The following KCTD16 variants were observed in gnomAD, a reference collection of about 807,000 sequenced individuals.
The protein encoded by KCTD16 is BTB/POZ domain-containing protein KCTD16.
Under a neutral mutation model 33.2 loss-of-function variants are expected in KCTD16, and 13 were observed. That is an observed-to-expected ratio of 0.39 (90% CI 0.25 to 0.62). KCTD16 has a LOEUF of 0.62. Ranked by LOEUF, KCTD16 falls within the 20% of genes least tolerant of loss-of-function variation. The probability of loss-of-function intolerance (pLI) is 0.50; values close to 1 mark genes in which losing one functional copy is unlikely to be tolerated. For synonymous variants in KCTD16, 197 were observed against 195.3 expected (o/e 1.01, Z -0.07); for missense variants, 441 against 525.1 (o/e 0.84, Z 1.57).
chr5:144,345,033 T>G (rs2087494617), intron 3 of KCTD16, among the ~76,000 whole-genome samples: 1 of 151,660 alleles, frequency 6.6e-6, no homozygotes, highest in South Asian at 2.1e-4. Flanking sequence ...CCATGAAAAA[T>G]GATGAGTTCA....
intron 3 of KCTD16, among the ~76,000 whole-genome samples, chr5:144,320,568 A>T (rs895040148): frequency 2.0e-5 from 3 of 152,244 alleles, no homozygotes; most frequent in South Asian, 4.2e-4. Flanking sequence ...GTTTAGAGGG[A>T]GGTTAAAGTA....
At chr5:144,433,315 T>C (rs1407487455) in intron 3 of KCTD16, among the ~76,000 whole-genome samples, 2 of 152,086 alleles carry the variant, frequency 1.3e-5, no homozygotes, top group East Asian at 3.9e-4. Flanking sequence ...CTGATGGTCA[T>C]CCCTGGTGGC....
intron 2 of KCTD16, among the ~76,000 whole-genome samples, chr5:144,197,109 A>T (rs1752953799): frequency 6.6e-6 from 1 of 152,218 alleles, no homozygotes; most frequent in Non-Finnish European, 1.5e-5. Context: ...AGAGTAACTG[A>T]TGCATAAAAT....
chr5:144,184,239 C>G (rs555343304), intron 2 of KCTD16, among the ~76,000 whole-genome samples: 1 of 152,180 alleles, frequency 6.6e-6, no homozygotes, highest in African/African-American at 2.4e-5. Flanking sequence ...AATTCTATCT[C>G]CATTAAACTT....
chr5:144,258,029 A>G (rs1754900361), intron 3 of KCTD16, among the ~76,000 whole-genome samples: 1 of 152,140 alleles, frequency 6.6e-6, no homozygotes, highest in Non-Finnish European at 1.5e-5. Context: ...TTTCAATTTC[A>G]CCAACATTGA....
intron 3 of KCTD16, among the ~76,000 whole-genome samples, chr5:144,449,959 A>T (rs1430986412): frequency 6.6e-6 from 1 of 152,088 alleles, no homozygotes; most frequent in Non-Finnish European, 1.5e-5. Context: ...GATAACATTA[A>T]ACTAAAAAAC....
intron 3 of KCTD16, among the ~76,000 whole-genome samples, chr5:144,268,392 C>G (rs1052903377): frequency 6.6e-6 from 1 of 152,090 alleles, no homozygotes; most frequent in Non-Finnish European, 1.5e-5. Context: ...CCCTTTTTTT[C>G]TACCCCCTTT....
At chr5:144,224,363 T>G (rs1753859646) in intron 3 of KCTD16, among the ~76,000 whole-genome samples, 1 of 150,478 alleles carries the variant, frequency 6.6e-6, no homozygotes. Context: ...TATATTATTT[T>G]TATTGGATCA....
chr5:144,461,152 C>G (rs4912974), intron 3 of KCTD16, among the ~76,000 whole-genome samples: 66,258 of 151,964 alleles, frequency 0.44, 14,775 homozygotes, highest in East Asian at 0.67. Flanking sequence ...TTTCTGTTTT[C>G]CACCGGGCTG....
chr5:144,461,821 C>T (rs1486702182), intron 3 of KCTD16, among the ~76,000 whole-genome samples: 1 of 152,230 alleles, frequency 6.6e-6, no homozygotes, highest in Admixed American at 6.5e-5. Context: ...CTACGGAACA[C>T]ACTATTTTGA....
In KCTD16 at chr5:144,481,679, A is replaced by C. The variant is rs572778525; in HGVS notation, c.*7565A>C. On this transcript the variant is annotated 3_prime_UTR_variant, in exon 4 of 4. Coordinates refer to ENST00000512467, the MANE Select transcript of KCTD16 (RefSeq NM_020768.4). The stretch of plus-strand genomic sequence containing the variant: ...CGGTCATTTATTTGTTTGTTTATGC[A>C]TATATCCAGCAAATATTTGTTGGGT... The C allele has an allele frequency of 2.6e-5, 4 of 152,054 alleles. No homozygotes were observed. Among genetic ancestry groups the C allele is most frequent in the Admixed American group, 2.6e-4 (4 of 15,236 alleles). 9.4% of individuals were successfully genotyped at this position (152,054 alleles called of 1,614,324 possible).
At chr5:144,370,159 A>G (rs1751934053) in intron 3 of KCTD16, among the ~76,000 whole-genome samples, 1 of 152,138 alleles carries the variant, frequency 6.6e-6, no homozygotes, top group Non-Finnish European at 1.5e-5. Flanking sequence ...CATTAGAATA[A>G]GAGTAGAGAG....
At chr5:144,382,121 T>G (rs1045030300) in intron 3 of KCTD16, among the ~76,000 whole-genome samples, 3 of 152,168 alleles carry the variant, frequency 2.0e-5, no homozygotes, top group African/African-American at 7.2e-5. Flanking sequence ...CTGAGGCCAT[T>G]ATGCTAAGTA....
chr5:144,387,614 G>T (rs1752353358), intron 3 of KCTD16, among the ~76,000 whole-genome samples: 1 of 152,192 alleles, frequency 6.6e-6, no homozygotes, highest in South Asian at 2.1e-4. Flanking sequence ...TGTTGGAGTT[G>T]TGCATAAGCC....
chr5:144,418,424 G>A (rs148679924), intron 3 of KCTD16, among the ~76,000 whole-genome samples: 2 of 151,996 alleles, frequency 1.3e-5, no homozygotes, highest in East Asian at 1.9e-4. Flanking sequence ...TGATTGGTCC[G>A]TTTTTACAGA....
intron 3 of KCTD16, among the ~76,000 whole-genome samples, chr5:144,400,914 C>T (rs1752688179): frequency 6.6e-6 from 1 of 152,024 alleles, no homozygotes; most frequent in South Asian, 2.1e-4. Flanking sequence ...GCAGAGGGAA[C>T]AATAAGTGCA....
chr5:144,200,689 A>G (rs1256438606), intron 2 of KCTD16, among the ~76,000 whole-genome samples: 1 of 152,250 alleles, frequency 6.6e-6, no homozygotes, highest in Non-Finnish European at 1.5e-5. Flanking sequence ...AAGGCTAAAT[A>G]CGGCACTAGG....
At chr5:144,458,508 A>G (rs546069548) in intron 3 of KCTD16, among the ~76,000 whole-genome samples, 2 of 152,354 alleles carry the variant, frequency 1.3e-5, no homozygotes, top group Non-Finnish European at 2.9e-5. Context: ...ATCCCATCCT[A>G]GAATGTTTAC....
intron 3 of KCTD16, among the ~76,000 whole-genome samples, chr5:144,321,314 TA>T (rs754063341): frequency 7.0e-4 from 106 of 152,306 alleles, no homozygotes; most frequent in Non-Finnish European, 1.2e-3. Context: ...CCTAGGGTGT[TA>T]AAAATGTGTA....
Sources: gnomAD v4.1 joint callset for allele counts (sites outside exome capture counted in the v4.1 genomes callset) on GRCh38, gnomAD v4.1.1 for gene constraint, MANE v1.5 for transcripts, NCBI Gene and HGNC (gene_info 2026-07-23, HGNC 2026-07-21) for gene names.